The following PTPRT variants were observed in gnomAD, a reference collection of about 807,000 sequenced individuals.
The protein encoded by PTPRT is protein tyrosine phosphatase receptor type T.
PTPRT carries 56 observed loss-of-function variants against 176.8 expected under a neutral mutation model. The ratio of observed to expected loss-of-function variants is 0.32; its 90% CI spans 0.26 to 0.40. The LOEUF is 0.40. PTPRT is among the 10% of genes least tolerant of loss of function. The probability of loss-of-function intolerance (pLI) is 1.00; values close to 1 mark genes in which losing one functional copy is unlikely to be tolerated. For missense variants in PTPRT, 1,540 were observed against 1,908.2 expected (o/e 0.81, Z 3.60); for synonymous variants, 783 against 739.0 (o/e 1.06, Z -0.96).
intron 13 of PTPRT, among the ~76,000 whole-genome samples, chr20:42,282,207 T>C (rs1208250409): frequency 6.6e-6 from 1 of 152,132 alleles, no homozygotes; most frequent in Non-Finnish European, 1.5e-5. Context: ...AGTAAATTTA[T>C]ATCCATCACT....
At chr20:42,692,326 A>G (rs895922750) in intron 6 of PTPRT, among the ~76,000 whole-genome samples, 1 of 152,246 alleles carries the variant, frequency 6.6e-6, no homozygotes, top group Non-Finnish European at 1.5e-5. Context: ...ATCCTGTGAT[A>G]TATAAAATGA....
intron 1 of PTPRT, among the ~76,000 whole-genome samples, chr20:42,989,075 A>G (rs771981837): frequency 2.6e-5 from 4 of 152,232 alleles, no homozygotes; most frequent in Non-Finnish European, 4.4e-5. Context: ...GAATTAGTAA[A>G]TGAATGGGCA....
rs79024615 is a variant in PTPRT, at chr20:42,456,840, T to C, written c.1451-8511A>G. The stretch of plus-strand genomic sequence containing the variant: ...ATAAATTGAAGGGGGAAGTGCTTCT[T>C]CTTTTTCCTTTCTCATAAAGTGTGT... On this transcript the variant is annotated intron_variant, in intron 8 of 30. Coordinates refer to ENST00000373187, the MANE Select transcript of PTPRT (RefSeq NM_007050.6). Among the ~76,000 whole-genome samples, 40 of 152,312 alleles carry C rather than the reference T, an allele frequency of 2.6e-4. No homozygotes were observed. In the East Asian group the frequency reaches 6.9e-3, roughly 26 times the overall value.
chr20:42,147,544 G>A (rs1988924956), intron 17 of PTPRT, among the ~76,000 whole-genome samples: 1 of 152,188 alleles, frequency 6.6e-6, no homozygotes, highest in Non-Finnish European at 1.5e-5. Context: ...GTGACATCCT[G>A]CAGAGATTTC....
chr20:43,107,592 G>A (rs1457275965), intron 1 of PTPRT, among the ~76,000 whole-genome samples: 2 of 152,200 alleles, frequency 1.3e-5, no homozygotes, highest in East Asian at 3.8e-4. Context: ...ATAGGCAGAT[G>A]GAGTCAGCCA....
intron 2 of PTPRT, among the ~76,000 whole-genome samples, chr20:42,824,744 T>C (rs1287829018): frequency 3.3e-5 from 5 of 152,038 alleles, no homozygotes; most frequent in East Asian, 1.9e-4. Context: ...GAAATAACTT[T>C]TGAAGTTCAA....
the PTPRT span, among the ~76,000 whole-genome samples, chr20:42,055,655 C>A: frequency 6.6e-6 from 1 of 152,084 alleles, no homozygotes; most frequent in Non-Finnish European, 1.5e-5. Context: ...CTTGTCTTCC[C>A]TGGGGAGATG....
intron 15 of PTPRT, among the ~76,000 whole-genome samples, chr20:42,208,734 A>G (rs1016223170): frequency 3.3e-5 from 5 of 152,194 alleles, no homozygotes; most frequent in Non-Finnish European, 5.9e-5. Flanking sequence ...AGACAGATCA[A>G]TGAGACAGAA....
intron 1 of PTPRT, among the ~76,000 whole-genome samples, chr20:42,903,072 T>A (rs1220581646): frequency 6.6e-6 from 1 of 152,208 alleles, no homozygotes; most frequent in Admixed American, 6.5e-5. Context: ...GCTCTTGACA[T>A]GACATAATGC....
At chr20:42,364,789 A>T (rs1161233660) in intron 9 of PTPRT, among the ~76,000 whole-genome samples, 1 of 152,194 alleles carries the variant, frequency 6.6e-6, no homozygotes, top group East Asian at 1.9e-4. Context: ...GAACTACTCC[A>T]TTTACAGAGT....
At chr20:43,124,660 C>T (rs930859302) in intron 1 of PTPRT, among the ~76,000 whole-genome samples, 7 of 152,194 alleles carry the variant, frequency 4.6e-5, no homozygotes, top group Admixed American at 1.3e-4. Flanking sequence ...ACGCATTCAA[C>T]GATCCAACAG....
At chr20:42,109,967 G>T (rs932678345) in intron 23 of PTPRT, among the ~76,000 whole-genome samples, 6 of 152,028 alleles carry the variant, frequency 3.9e-5, no homozygotes, top group Non-Finnish European at 8.8e-5. Flanking sequence ...GTCTCTAAGA[G>T]TAAAGCCACT....
chr20:43,090,419 C>A (rs542338824), intron 1 of PTPRT, among the ~76,000 whole-genome samples: 1 of 152,072 alleles, frequency 6.6e-6, no homozygotes, highest in Non-Finnish European at 1.5e-5. Flanking sequence ...AGGCGCCCGC[C>A]ACCACGCCTG....
chr20:42,799,560 C>G (rs1435147711), intron 2 of PTPRT, among the ~76,000 whole-genome samples: 1 of 152,126 alleles, frequency 6.6e-6, no homozygotes, highest in Non-Finnish European at 1.5e-5. Context: ...GTAGGAAAAA[C>G]AATGGAACCC....
intron 1 of PTPRT, among the ~76,000 whole-genome samples, chr20:42,913,902 T>G (rs1028739323): frequency 6.6e-6 from 1 of 152,220 alleles, no homozygotes; most frequent in African/African-American, 2.4e-5. Context: ...TTTGAGACTA[T>G]TGAACTCATC....
chr20:42,946,515 T>C (rs1272193321), intron 1 of PTPRT, among the ~76,000 whole-genome samples: 1 of 152,246 alleles, frequency 6.6e-6, no homozygotes, highest in Non-Finnish European at 1.5e-5. Flanking sequence ...GACCTCACTG[T>C]GGCATCAGCA....
At chr20:42,953,283 G>T (rs1981376207) in intron 1 of PTPRT, among the ~76,000 whole-genome samples, 1 of 152,206 alleles carries the variant, frequency 6.6e-6, no homozygotes, top group African/African-American at 2.4e-5. Context: ...GCTAGCAGGT[G>T]CATAGTGAGG....
intron 21 of PTPRT, chr20:42,116,014 C>T (rs781517549): frequency 4.2e-6 from 3 of 718,306 alleles, no homozygotes; most frequent in Non-Finnish European, 7.8e-6. Context: ...TGGTTTTCCC[C>T]TTAAAAGAAC....
intron 18 of PTPRT, among the ~76,000 whole-genome samples, chr20:42,139,300 G>T (rs1209770167): frequency 1.3e-5 from 2 of 152,168 alleles, no homozygotes. Flanking sequence ...AACCCATCAA[G>T]GTGGTATCGT....
Sources: allele counts gnomAD v4.1 joint callset (sites outside exome capture counted in the v4.1 genomes callset), GRCh38; gene constraint gnomAD v4.1.1; transcripts MANE v1.5; gene names NCBI Gene and HGNC (gene_info 2026-07-23, HGNC 2026-07-21).